Variants in WDR35 observed in about 807,000 individuals in gnomAD.
WDR35 encodes the protein WD repeat domain 35, also known as WD repeat-containing protein 35.
WDR35 carries 118 observed loss-of-function variants against 158.3 expected under a neutral mutation model. That is an observed-to-expected ratio of 0.75 (90% CI 0.64 to 0.87). The LOEUF (loss-of-function observed/expected upper bound fraction) is 0.87, where lower values mean the gene tolerates loss of function less well. Among genes scored for constraint, WDR35 ranks in the 40% least tolerant of loss-of-function variants. The probability of loss-of-function intolerance (pLI) is 0.00; values close to 1 mark genes in which losing one functional copy is unlikely to be tolerated. For missense variants in WDR35, 1,263 were observed against 1,405.8 expected (o/e 0.90, Z 1.62); for synonymous variants, 448 against 476.1 (o/e 0.94, Z 0.77).
intron 25 of WDR35, among the ~76,000 whole-genome samples, chr2:19,927,690 T>G (rs775813459): frequency 6.6e-6 from 1 of 152,206 alleles, no homozygotes; most frequent in African/African-American, 2.4e-5. Context: ...AGAAGGACAC[T>G]CTACAAACTT....
At chr2:19,983,543 T>C (rs1300378282) in intron 2 of WDR35, among the ~76,000 whole-genome samples, 1 of 152,230 alleles carries the variant, frequency 6.6e-6, no homozygotes, top group African/African-American at 2.4e-5. Flanking sequence ...TAGAAATCTG[T>C]TACACATAAA....
At position 19,937,835 on chromosome 2, in the gene WDR35, T is replaced by G. The variant is rs747667789; in HGVS notation, c.2175A>C (p.Lys725Asn). Residue 725 changes from lysine to asparagine, a missense_variant, in exon 19 of 27, where the codon AAA (lysine) becomes AAC (asparagine). Physicochemically the swap from Lys to Asn is moderately conservative, Grantham distance 94. Coordinates refer to ENST00000281405, the MANE Select transcript of WDR35 (RefSeq NM_020779.4). ...QGIKFVKRLG[K>N]LLSESMKQAE... is the part of the protein sequence containing the mutation. ...CCTGTTTCATTGACTCACTCAGTAGTTTGCCCAAGCGCTTCACAAACTTAA... is the reference window on the plus strand; with the variant it reads ...CCTGTTTCATTGACTCACTCAGTAGGTTGCCCAAGCGCTTCACAAACTTAA... 6.2e-6 allele frequency: 10 copies of G among 1,614,166 alleles called. No homozygotes were observed. Among genetic ancestry groups the G allele is most frequent in the Non-Finnish European group, 8.5e-6 (10 of 1,180,008 alleles).
At chr2:19,979,391 C>T (rs1672312939) in intron 4 of WDR35, among the ~76,000 whole-genome samples, 2 of 152,104 alleles carry the variant, frequency 1.3e-5, no homozygotes, top group South Asian at 2.1e-4. Flanking sequence ...AAAAAATACA[C>T]AGCATATTAG....
In WDR35 at chr2:19,930,494, A is replaced by G. The variant is rs1670491849; in HGVS notation, c.3023T>C (p.Phe1008Ser). 6.2e-7 allele frequency: 1 copy of G among 1,614,222 alleles called. No homozygotes were observed. The highest frequency in any genetic ancestry group is 8.5e-7 in the Non-Finnish European group (1 of 1,180,038). The stretch of plus-strand genomic sequence containing the variant: ...TGCCCCTCTCCATGCATTATCTGTG[A>G]AACGATCTGTTGTAGACAGAACTTC... ...EEEVLSTTDRFTDNAWRGAEA... is the reference protein window; with the variant it reads ...EEEVLSTTDRSTDNAWRGAEA... Residue 1008 changes from phenylalanine (F) to serine (S), a missense_variant, in exon 25 of 27, where the codon TTC becomes TCC. By Grantham distance (155) the Phe-to-Ser change is radical. Coordinates refer to ENST00000281405, the MANE Select transcript of WDR35 (RefSeq NM_020779.4).
intron 2 of WDR35, among the ~76,000 whole-genome samples, chr2:19,983,978 AG>A (rs1672468190): frequency 6.8e-6 from 1 of 148,090 alleles, no homozygotes; most frequent in Admixed American, 6.7e-5. Context: ...CTTAACTTCT[AG>A]CACTGAAAAA....
chr2:19,930,556 C>T lies in WDR35; in HGVS notation c.2965-4G>A, dbSNP rs199696980. Reference sequence around the variant, plus strand: ...AACCAGCCAAGGCAGAAGTGGCCTACGAGTAAAGTCAGCCCACACTTTCCG... The same window carrying T: ...AACCAGCCAAGGCAGAAGTGGCCTATGAGTAAAGTCAGCCCACACTTTCCG... On this transcript the variant is annotated splice_polypyrimidine_tract_variant and splice_region_variant and intron_variant, in intron 24 of 26. Transcript: ENST00000281405. 5 of 1,613,936 alleles carry T rather than the reference C, an allele frequency of 3.1e-6. No homozygotes were observed. The highest frequency in any genetic ancestry group is 1.7e-5 in the Admixed American group (1 of 60,014).
At chr2:19,933,593 C>T (rs964800307) in intron 21 of WDR35, 82 bp from the exon 22 acceptor site, 16 of 1,193,354 alleles carry the variant, frequency 1.3e-5, no homozygotes, top group African/African-American at 7.6e-5. Flanking sequence ...TCCGTAGGGA[C>T]GTATGAGTAT....
rs1670646089 is a variant in WDR35, at chr2:19,934,971, A to G, written c.2547+500T>C. 1 of 153,814 alleles carries G rather than the reference A, an allele frequency of 6.5e-6. No individual in the cohort carries two copies. The highest frequency in any genetic ancestry group is 1.4e-5 in the Non-Finnish European group (1 of 69,386). 9.5% of individuals were successfully genotyped at this position (153,814 alleles called of 1,614,324 possible). A position where few individuals can be genotyped will look rare whatever the true frequency, so the allele number is the denominator to read the frequency against. ...ACACATAAAATACAAACTTATTTACAGTATTCAACAATTAATTAAGAGGCT... is the reference window on the plus strand; with the variant it reads ...ACACATAAAATACAAACTTATTTACGGTATTCAACAATTAATTAAGAGGCT... On this transcript the variant is annotated intron_variant, in intron 21 of 26. Coordinates refer to ENST00000281405, the MANE Select transcript of WDR35 (RefSeq NM_020779.4). This position sits in a 1 kb window ranked among gnomAD's most constrained non-coding sequence, Gnocchi z 4.6.
rs1004895289 is a variant in WDR35, at chr2:19,934,779, G to A, written c.2547+692C>T. Reference sequence around the variant, plus strand: ...AAATACCATTATTACAGAGATAGCCGCTCAAATTCACAATAGGGAAAACTG... The same window carrying A: ...AAATACCATTATTACAGAGATAGCCACTCAAATTCACAATAGGGAAAACTG... On this transcript the variant is annotated intron_variant, in intron 21 of 26. Transcript: ENST00000281405. The surrounding 1 kb of genome is among the most constrained non-coding windows in gnomAD (Gnocchi z 4.6). 6.6e-6 allele frequency among the ~76,000 whole-genome samples: 1 copy of A among 151,988 alleles called. No individual in the cohort carries two copies. Among genetic ancestry groups the A allele is most frequent in the Non-Finnish European group, 1.5e-5 (1 of 67,984 alleles).
chr2:19,979,393 G>A (rs1672313090), intron 4 of WDR35, among the ~76,000 whole-genome samples: 1 of 151,982 alleles, frequency 6.6e-6, no homozygotes, highest in African/African-American at 2.4e-5. Flanking sequence ...AAAATACACA[G>A]CATATTAGGT....
chr2:19,935,607 C>T lies in WDR35; in HGVS notation c.2415-4G>A, dbSNP rs202244104. The T allele has an allele frequency of 2.6e-5, 42 of 1,610,532 alleles. No homozygotes were observed. The highest frequency in any genetic ancestry group is 3.6e-5 in the Non-Finnish European group (42 of 1,179,208). ...ATAATATTGTACAGCATTCAACCTACAGAAAGAAAAAAGGAAAAACTTTTA... is the reference window on the plus strand; with the variant it reads ...ATAATATTGTACAGCATTCAACCTATAGAAAGAAAAAAGGAAAAACTTTTA... On this transcript the variant is annotated splice_polypyrimidine_tract_variant and splice_region_variant and intron_variant, in intron 20 of 26. Transcript: ENST00000281405.
intron 23 of WDR35, among the ~76,000 whole-genome samples, chr2:19,931,758 AAAGAT>A (rs1247027308): frequency 6.6e-6 from 1 of 152,154 alleles, no homozygotes; most frequent in Non-Finnish European, 1.5e-5. Context: ...CCAAGTACAC[AAAGAT>A]ATGATAGTGT....
rs375813696 is a variant in WDR35 at position 19,967,955 on chromosome 2, C to T, written c.1009-1046G>A. Among the ~76,000 whole-genome samples the T allele has an allele frequency of 5.0e-4, 76 of 152,244 alleles. 1 individual carries two copies. The South Asian group carries it at 0.015, about 31-fold the overall frequency. On this transcript the variant is annotated intron_variant, in intron 9 of 26. Transcript: ENST00000281405. ...ATGTCCTTTCACTATTCCAGAATCC[C>T]ATTTGGGATACTTAGATTTAGTCAT... is the stretch of plus-strand genomic sequence containing the variant.
Position 19,914,194 on chromosome 2 carries a change from C to A in WDR35, c.3205G>T (p.Ala1069Ser). 1 of 1,614,186 alleles carries A rather than the reference C, an allele frequency of 6.2e-7. No homozygotes were observed. Among genetic ancestry groups the A allele is most frequent in the Non-Finnish European group, 8.5e-7 (1 of 1,180,016 alleles). Reference protein sequence around the residue: ...LLALCACASRAFGTCSKAFIK... With the variant: ...LLALCACASRSFGTCSKAFIK... The stretch of plus-strand genomic sequence containing the variant: ...AAAGCTTTTGAACAAGTCCCAAAGG[C>A]TCTGCTGGCGCATGCGCAGAGTGCT... The change falls in exon 26 of 27, where the codon GCC (alanine) becomes TCC (serine). Residue 1069 changes from alanine (A) to serine (S), a missense_variant. Transcript: ENST00000281405.
intron 25 of WDR35, among the ~76,000 whole-genome samples, chr2:19,922,576 G>T (rs1363312923): frequency 6.6e-6 from 1 of 151,594 alleles, no homozygotes; most frequent in Non-Finnish European, 1.5e-5. Flanking sequence ...AGGGGGTGGG[G>T]GGCTGGGGGA....
intron 13 of WDR35, among the ~76,000 whole-genome samples, chr2:19,948,564 CT>C (rs945406516): frequency 2.6e-5 from 4 of 151,882 alleles, no homozygotes; most frequent in African/African-American, 9.7e-5. Flanking sequence ...GAGCTCAGGC[CT>C]AAAAGAGAAA....
intron 19 of WDR35, among the ~76,000 whole-genome samples, chr2:19,937,409 C>A (rs1028279246): frequency 6.6e-6 from 1 of 151,634 alleles, no homozygotes; most frequent in Non-Finnish European, 1.5e-5. Context: ...ATGGCCTAAA[C>A]AAACAAAGAA....
chr2:19,927,280 C>A (rs997953387), intron 25 of WDR35, among the ~76,000 whole-genome samples: 1 of 151,686 alleles, frequency 6.6e-6, no homozygotes, highest in Non-Finnish European at 1.5e-5. Context: ...TGAGGCATAC[C>A]GCCCTCAAAA....
chr2:19,955,411 C>T (rs946223108), intron 11 of WDR35, among the ~76,000 whole-genome samples: 1 of 152,180 alleles, frequency 6.6e-6, no homozygotes, highest in Admixed American at 6.5e-5. Context: ...TCTTAGAGAA[C>T]ATTTAATTGA....
Sources: gnomAD v4.1 joint callset for allele counts (sites outside exome capture counted in the v4.1 genomes callset) on GRCh38, gnomAD v4.1.1 for gene constraint, Gnocchi (gnomAD v3.1) non-coding constraint, MANE v1.5 for transcripts, NCBI Gene and HGNC (gene_info 2026-07-23, HGNC 2026-07-21) for gene names.